Variants in PLD5 observed in about 807,000 individuals in gnomAD.
The protein encoded by PLD5 is inactive phospholipase D5.
In PLD5, 36 loss-of-function variants were observed where a neutral mutation model predicts 61.1. That is an observed-to-expected ratio of 0.59 (90% CI 0.45 to 0.78). PLD5 has a LOEUF of 0.78. Ranked by LOEUF, PLD5 falls within the 30% of genes least tolerant of loss-of-function variation. The pLI is 0.00. For missense variants in PLD5, 515 were observed against 644.4 expected, an observed-to-expected ratio of 0.80 and a Z score of 2.17; for synonymous variants, 243 against 242.8, an observed-to-expected ratio of 1.00 and a Z score of -0.01.
chr1:242,157,358 G>A (rs316838), intron 5 of PLD5, among the ~76,000 whole-genome samples: 128,163 of 152,224 alleles, frequency 0.84, 54,451 homozygotes, highest in African/African-American at 0.95. Flanking sequence ...ACTTATGTCA[G>A]TTCATCAAGC....
intron 5 of PLD5, among the ~76,000 whole-genome samples, chr1:242,218,691 T>C (rs1028074395): frequency 6.6e-6 from 1 of 152,250 alleles, no homozygotes; most frequent in Non-Finnish European, 1.5e-5. Flanking sequence ...AATAATTTTT[T>C]CCTAAATGTA....
intron 7 of PLD5, among the ~76,000 whole-genome samples, chr1:242,108,737 G>T (rs1661257836): frequency 1.3e-5 from 2 of 152,062 alleles, no homozygotes; most frequent in South Asian, 2.1e-4. Flanking sequence ...CCTAATTCTG[G>T]GCCAATTCAG....
intron 1 of PLD5, among the ~76,000 whole-genome samples, chr1:242,498,890 C>G (rs1181663139): frequency 6.6e-6 from 1 of 152,162 alleles, no homozygotes; most frequent in Non-Finnish European, 1.5e-5. Flanking sequence ...TGAACATTCT[C>G]AAAGAAAATT....
chr1:242,088,699 G>T lies in PLD5; in HGVS notation c.*1155C>A, dbSNP rs778228335. On this transcript the variant is annotated 3_prime_UTR_variant, in exon 10 of 10. Coordinates refer to ENST00000536534, the MANE Select transcript of PLD5 (RefSeq NM_001372062.1). Reference sequence around the variant, plus strand: ...AGCAATGGTCTCCATTAATACAGGGGTATATATTGTATAGATATAAAACAA... The same window carrying T: ...AGCAATGGTCTCCATTAATACAGGGTTATATATTGTATAGATATAAAACAA... 2 of 152,094 alleles carry T rather than the reference G, an allele frequency of 1.3e-5. No homozygotes were observed. Among genetic ancestry groups the T allele is most frequent in the Admixed American group, 1.3e-4 (2 of 15,272 alleles). 9.4% of individuals were successfully genotyped at this position (152,094 alleles called of 1,614,324 possible).
At chr1:242,160,128 C>T (rs1308813993) in intron 5 of PLD5, among the ~76,000 whole-genome samples, 1 of 152,038 alleles carries the variant, frequency 6.6e-6, no homozygotes, top group Non-Finnish European at 1.5e-5. Flanking sequence ...ACTCTTGCCT[C>T]AGCCTCCCAA....
At chr1:242,373,958 A>G (rs866842771) in intron 1 of PLD5, among the ~76,000 whole-genome samples, 11 of 93,772 alleles carry the variant, frequency 1.2e-4, no homozygotes, top group Middle Eastern at 5.2e-3. Flanking sequence ...CCTAGAACTT[A>G]AAGTATAATA....
At position 242,326,870 on chromosome 1, in the gene PLD5, C is replaced by CT. The variant is rs762711570; in HGVS notation, c.326+21235dup. ...CACAGGTGTATGTTACCACATCTGC[C>CT]TTTTTTTTTTTCCGAGACAGAGTCT... On this transcript the variant is annotated intron_variant, in intron 2 of 9. Transcript: ENST00000536534. Among the ~76,000 whole-genome samples the CT allele has an allele frequency of 2.5e-3, 370 of 145,908 alleles. 3 individuals carry two copies. Among genetic ancestry groups the CT allele is most frequent in the African/African-American group, 6.7e-3 (267 of 40,032 alleles).
At chr1:242,411,381 G>A (rs917139651) in intron 1 of PLD5, among the ~76,000 whole-genome samples, 18 of 152,126 alleles carry the variant, frequency 1.2e-4, no homozygotes, top group Admixed American at 2.0e-4. Context: ...GACTACAGGC[G>A]CCCGCCACCA....
chr1:242,308,849 G>A (rs1377919035), intron 2 of PLD5, among the ~76,000 whole-genome samples: 3 of 152,062 alleles, frequency 2.0e-5, no homozygotes, highest in Non-Finnish European at 4.4e-5. Context: ...TCTCATTCTC[G>A]CTTGCTTAAC....
Position 242,220,024 on chromosome 1 carries a change from G to C in PLD5, c.699C>G (p.Ile233Met). The change falls in exon 5 of 10, where the codon ATC (isoleucine) becomes ATG (methionine). Residue 233 changes from isoleucine (I) to methionine (M), a missense_variant. By Grantham distance (10) the Ile-to-Met change is conservative. Coordinates refer to ENST00000536534, the MANE Select transcript of PLD5 (RefSeq NM_001372062.1). ...FWIVDKQHVY[I>M]GSAGLDWQSL... ...ATTGCCAGTCCAAACCGGCACTGCCGATATACACGTGCTGTTTGTCCACGA... is the reference window on the plus strand; with the variant it reads ...ATTGCCAGTCCAAACCGGCACTGCCCATATACACGTGCTGTTTGTCCACGA... 6.2e-7 allele frequency: 1 copy of C among 1,614,160 alleles called. No individual in the cohort carries two copies. The highest frequency in any genetic ancestry group is 2.2e-5 in the East Asian group (1 of 44,884).
chr1:242,309,557 A>G (rs1168466922), intron 2 of PLD5, among the ~76,000 whole-genome samples: 1 of 151,908 alleles, frequency 6.6e-6, no homozygotes, highest in African/African-American at 2.4e-5. Context: ...TATTTTTAGT[A>G]GAGATCGGGT....
chr1:242,089,876 C>A lies in PLD5; in HGVS notation c.1589G>T (p.Gly530Val). The change falls in exon 10 of 10, where the codon GGA becomes GTA. Residue 530 changes from glycine to valine, a missense_variant. Coordinates refer to ENST00000536534, the MANE Select transcript of PLD5 (RefSeq NM_001372062.1). ...SNKTATDDTG[G>V]KDPRNV ...ATGTTATACGTTCCGGGGATCCTTTCCGCCTGTGTCGTCTGTGGCAGTTTT... is the reference window on the plus strand; with the variant it reads ...ATGTTATACGTTCCGGGGATCCTTTACGCCTGTGTCGTCTGTGGCAGTTTT... 6.2e-7 allele frequency: 1 copy of A among 1,614,196 alleles called. No individual in the cohort carries two copies. The highest frequency in any genetic ancestry group is 8.5e-7 in the Non-Finnish European group (1 of 1,180,034).
At chr1:242,309,122 A>G (rs1353953078) in intron 2 of PLD5, among the ~76,000 whole-genome samples, 2 of 152,154 alleles carry the variant, frequency 1.3e-5, no homozygotes, top group Non-Finnish European at 2.9e-5. Context: ...ATGGAGGGAA[A>G]GAATACATTC....
Position 242,328,303 on chromosome 1 carries a change from CATAT to C in PLD5, c.326+19799_326+19802del, listed in dbSNP as rs1658930306. Among the ~76,000 whole-genome samples the C allele has an allele frequency of 4.5e-4, 6 of 13,228 alleles. No homozygotes were observed. In the Non-Finnish European group the frequency reaches 6.9e-3, roughly 15 times the overall value. 8.7% of individuals were successfully genotyped at this position (13,228 alleles called of 152,430 possible). ...ATTATATATATGTATGTATGTTCTA[CATAT>C]ATATGTTCTACATATATGTGTTTTA... On this transcript the variant is annotated intron_variant, in intron 2 of 9. Transcript: ENST00000536534.
intron 5 of PLD5, among the ~76,000 whole-genome samples, chr1:242,216,047 G>A (rs909149921): frequency 3.3e-5 from 5 of 152,140 alleles, no homozygotes; most frequent in Admixed American, 6.5e-5. Flanking sequence ...TACCCCCAGC[G>A]GGGTTCCTTA....
chr1:242,242,360 C>T (rs772911550), intron 4 of PLD5, among the ~76,000 whole-genome samples: 4 of 152,168 alleles, frequency 2.6e-5, no homozygotes, highest in East Asian at 1.9e-4. Context: ...CAAACAGCCA[C>T]GCTTTACCAA....
At chr1:242,460,266 A>G (rs1187353285) in intron 1 of PLD5, among the ~76,000 whole-genome samples, 1 of 152,050 alleles carries the variant, frequency 6.6e-6, no homozygotes. Context: ...ACTAAACTTA[A>G]TCATAGATGC....
At chr1:242,449,273 A>G in intron 1 of PLD5, 1 of 1,518,904 alleles carries the variant, frequency 6.6e-7, no homozygotes, top group Non-Finnish European at 8.8e-7. Flanking sequence ...CATGCTACCA[A>G]CAGCCATTTT....
At chr1:242,174,689 C>G (rs560926017) in intron 5 of PLD5, among the ~76,000 whole-genome samples, 2 of 152,218 alleles carry the variant, frequency 1.3e-5, no homozygotes, top group African/African-American at 4.8e-5. Context: ...GAAAACATGG[C>G]ACATATACAC....
Sources: gnomAD v4.1 joint callset for allele counts (sites outside exome capture counted in the v4.1 genomes callset) on GRCh38, gnomAD v4.1.1 for gene constraint, MANE v1.5 for transcripts, NCBI Gene and HGNC (gene_info 2026-07-23, HGNC 2026-07-21) for gene names.